Variants in CDYL2 observed in about 807,000 individuals in gnomAD.
CDYL2 encodes chromodomain Y-like protein 2.
CDYL2 carries 23 observed loss-of-function variants against 49.4 expected under a neutral mutation model. The observed-to-expected ratio is 0.47, with a 90% CI of 0.34 to 0.66. The LOEUF is 0.66. Among genes scored for constraint, CDYL2 ranks in the 30% least tolerant of loss-of-function variants. CDYL2 has a pLI of 0.01. For missense variants in CDYL2, 678 were observed against 656.4 expected (o/e 1.03, Z -0.36); for synonymous variants, 360 against 268.8 (o/e 1.34, Z -3.32).
chr16:80,615,013 C>T (rs2142368665), intron 4 of CDYL2, among the ~76,000 whole-genome samples: 1 of 151,994 alleles, frequency 6.6e-6, no homozygotes, highest in Admixed American at 6.5e-5. Flanking sequence ...ACTTAATGTT[C>T]TGCGGGGGTA....
chr16:80,633,412 T>A (rs1907665511), intron 2 of CDYL2, among the ~76,000 whole-genome samples, 176 bp from the exon 3 acceptor site: 1 of 152,196 alleles, frequency 6.6e-6, no homozygotes, highest in Non-Finnish European at 1.5e-5. Flanking sequence ...ACAGGCTGAA[T>A]TCCTGCATCT....
chr16:80,668,204 CAGAA>C (rs1333885672), intron 2 of CDYL2, among the ~76,000 whole-genome samples: 2 of 152,184 alleles, frequency 1.3e-5, no homozygotes, highest in Non-Finnish European at 2.9e-5. Context: ...CGTCCTGACT[CAGAA>C]AGAGTTCCAA....
intron 2 of CDYL2, among the ~76,000 whole-genome samples, chr16:80,642,776 A>T (rs1342047685): frequency 1.3e-5 from 2 of 152,292 alleles, no homozygotes; most frequent in Non-Finnish European, 2.9e-5. Context: ...TACTATGAGA[A>T]CAGTATAGGG....
chr16:80,653,525 T>C (rs1410126123), intron 2 of CDYL2, among the ~76,000 whole-genome samples: 3 of 152,158 alleles, frequency 2.0e-5, no homozygotes, highest in African/African-American at 7.2e-5. Context: ...TTAAAGAGTA[T>C]TTTAATTTCT....
At chr16:80,713,880 G>A (rs979436663) in intron 1 of CDYL2, among the ~76,000 whole-genome samples, 2 of 152,148 alleles carry the variant, frequency 1.3e-5, no homozygotes, top group African/African-American at 2.4e-5. Flanking sequence ...ACATGCAGGT[G>A]TGCCAACCGA....
intron 5 of CDYL2, among the ~76,000 whole-genome samples, chr16:80,610,830 G>T (rs550988221): frequency 6.6e-6 from 1 of 152,068 alleles, no homozygotes; most frequent in Non-Finnish European, 1.5e-5. Context: ...CACTTTTGTG[G>T]GTCTCCTATG....
intron 1 of CDYL2, among the ~76,000 whole-genome samples, chr16:80,769,721 T>C (rs1045213076): frequency 3.9e-5 from 6 of 152,112 alleles, no homozygotes; most frequent in South Asian, 2.1e-4. Context: ...ACTGGGCAAA[T>C]AGCATGCCTT....
chr16:80,664,013 G>A (rs1909156535), intron 2 of CDYL2, among the ~76,000 whole-genome samples: 1 of 152,062 alleles, frequency 6.6e-6, no homozygotes, highest in Admixed American at 6.5e-5. Flanking sequence ...CCAAGGCCAT[G>A]CTAACTCCAA....
intron 1 of CDYL2, among the ~76,000 whole-genome samples, chr16:80,754,370 C>T (rs1052828021): frequency 1.3e-5 from 2 of 152,116 alleles, no homozygotes; most frequent in African/African-American, 4.8e-5. Flanking sequence ...GGATTTGGAA[C>T]AAACAGAGAT....
chr16:80,694,916 A>G (rs1329131047), intron 1 of CDYL2, among the ~76,000 whole-genome samples: 1 of 152,262 alleles, frequency 6.6e-6, no homozygotes, highest in African/African-American at 2.4e-5. Context: ...AAAGGGCCAA[A>G]TGAAAGAGCT....
chr16:80,642,557 T>A (rs914901040), intron 2 of CDYL2, among the ~76,000 whole-genome samples: 1 of 152,180 alleles, frequency 6.6e-6, no homozygotes, highest in African/African-American at 2.4e-5. Context: ...ATTGAATTAG[T>A]CCGTTTTCAC....
intron 1 of CDYL2, among the ~76,000 whole-genome samples, chr16:80,715,188 C>T (rs1016459713): frequency 2.6e-5 from 4 of 152,076 alleles, no homozygotes; most frequent in Admixed American, 2.0e-4. Flanking sequence ...GTCAGGTCAG[C>T]AAAGAGGAAG....
At chr16:80,763,032 G>C (rs1306212241) in intron 1 of CDYL2, among the ~76,000 whole-genome samples, 1 of 152,174 alleles carries the variant, frequency 6.6e-6, no homozygotes, top group Non-Finnish European at 1.5e-5. Context: ...ATTGTGACCA[G>C]AGGCTTACAA....
chr16:80,676,101 C>G (rs971502469), intron 2 of CDYL2, among the ~76,000 whole-genome samples: 5 of 152,100 alleles, frequency 3.3e-5, no homozygotes, highest in Non-Finnish European at 5.9e-5. Context: ...GTTAAAGAGT[C>G]GGATTTCCCA....
intron 2 of CDYL2, among the ~76,000 whole-genome samples, chr16:80,636,917 G>A (rs59272180): frequency 0.06 from 9,055 of 152,180 alleles, 834 homozygotes; most frequent in African/African-American, 0.2. Context: ...CATGGATGAA[G>A]CTGGAAACCA....
intron 1 of CDYL2, among the ~76,000 whole-genome samples, chr16:80,696,566 G>A (rs1910621390): frequency 6.6e-6 from 1 of 151,836 alleles, no homozygotes. Flanking sequence ...CTTAGAGACT[G>A]TTACAAACAA....
At chr16:80,610,233 G>A (rs1193565312) in intron 5 of CDYL2, among the ~76,000 whole-genome samples, 1 of 152,148 alleles carries the variant, frequency 6.6e-6, no homozygotes. Context: ...GAAACAATGG[G>A]GGATGGAACT....
At chr16:80,725,958 A>G (rs1430051054) in intron 1 of CDYL2, among the ~76,000 whole-genome samples, 1 of 152,184 alleles carries the variant, frequency 6.6e-6, no homozygotes, top group Non-Finnish European at 1.5e-5. Flanking sequence ...TTAGTCACTC[A>G]CCTGCTCTTA....
At chr16:80,685,607 A>T (rs139136191) in intron 1 of CDYL2, among the ~76,000 whole-genome samples, 11 of 152,342 alleles carry the variant, frequency 7.2e-5, no homozygotes, top group Non-Finnish European at 1.2e-4. Flanking sequence ...AATACCAATG[A>T]TCATTAACAT....
Sources: allele counts gnomAD v4.1 joint callset (sites outside exome capture counted in the v4.1 genomes callset), GRCh38; gene constraint gnomAD v4.1.1; transcripts MANE v1.5; gene names NCBI Gene and HGNC (gene_info 2026-07-23, HGNC 2026-07-21).